Variants in ZNF69 observed in about 807,000 individuals in gnomAD.
ZNF69 encodes the protein zinc finger protein 69, also known as ZNF3.
ZNF69 carries 47 observed loss-of-function variants against 50.9 expected under a neutral mutation model. That is an observed-to-expected ratio of 0.92 (90% CI 0.73 to 1.18). The LOEUF is 1.18. Among genes scored for constraint, ZNF69 ranks in the 50% most tolerant of loss-of-function variants. ZNF69 has a pLI of 0.00. For missense variants in ZNF69, 717 were observed against 675.1 expected (o/e 1.06, Z -0.69); for synonymous variants, 216 against 223.1 (o/e 0.97, Z 0.29).
At chr19:11,961,928 C>T in the ZNF69 span, among the ~76,000 whole-genome samples, 1 of 121,698 alleles carries the variant, frequency 8.2e-6, no homozygotes, top group Non-Finnish European at 1.7e-5. Flanking sequence ...CTTTTACACA[C>T]ACACACACAC....
chr19:11,955,110 T>C, the ZNF69 span, among the ~76,000 whole-genome samples: 5 of 150,814 alleles, frequency 3.3e-5, no homozygotes, highest in African/African-American at 1.2e-4. Flanking sequence ...GTTCAAGTGA[T>C]TCTCCTGCCT....
rs188162364 is a variant in ZNF69, at chr19:11,895,708, T to C, written c.63+7722T>C. On this transcript the variant is annotated intron_variant, in intron 1 of 3. Transcript: ENST00000429654. Reference sequence around the variant, plus strand: ...TTTTTTCCGTTATGAGAAAGTTAAATCCATAAAGAAAATGCATGCTAAGGT... The same window carrying C: ...TTTTTTCCGTTATGAGAAAGTTAAACCCATAAAGAAAATGCATGCTAAGGT... Among the ~76,000 whole-genome samples, 4 of 152,250 alleles carry C rather than the reference T, an allele frequency of 2.6e-5. No homozygotes were observed. The East Asian group carries it at 7.7e-4, about 29-fold the overall frequency.
the ZNF69 span, among the ~76,000 whole-genome samples, chr19:11,967,133 G>A: frequency 3.9e-5 from 6 of 152,122 alleles, no homozygotes; most frequent in African/African-American, 9.7e-5. Context: ...TCAAGAGTTC[G>A]AGACCACCCT....
chr19:11,969,165 C>T, the ZNF69 span, among the ~76,000 whole-genome samples: 4 of 152,296 alleles, frequency 2.6e-5, no homozygotes, highest in South Asian at 2.1e-4. Context: ...AGTGCAGCGG[C>T]GTGATCTCAG....
chr19:11,958,447 G>A, the ZNF69 span, among the ~76,000 whole-genome samples: 1 of 152,152 alleles, frequency 6.6e-6, no homozygotes, highest in African/African-American at 2.4e-5. Context: ...TAGTGCTGGA[G>A]AATTCGCTGG....
At chr19:11,977,316 AT>A in the ZNF69 span, 29 of 1,605,972 alleles carry the variant, frequency 1.8e-5, no homozygotes, top group African/African-American at 3.9e-4. Flanking sequence ...GAATCTAATA[AT>A]TTTTTCACAG....
At chr19:11,888,936 A>G (rs907705720) in intron 1 of ZNF69, among the ~76,000 whole-genome samples, 1 of 131,366 alleles carries the variant, frequency 7.6e-6, no homozygotes, top group Non-Finnish European at 1.6e-5. Flanking sequence ...GTGCCACTGC[A>G]CTCCAGCCTC....
chr19:11,919,200 T>A (rs1376227904), downstream of ZNF69, among the ~76,000 whole-genome samples: 1 of 151,918 alleles, frequency 6.6e-6, no homozygotes, highest in Non-Finnish European at 1.5e-5. Context: ...TGGCCCCTTG[T>A]TTTTCTTTTT....
the ZNF69 span, chr19:11,978,480 G>A: frequency 1.9e-6 from 3 of 1,614,192 alleles, no homozygotes; most frequent in South Asian, 1.1e-5. Flanking sequence ...TTCCCATTCA[G>A]GCATTCGAAG....
chr19:11,901,209 T>C (rs1423336109), intron 1 of ZNF69, among the ~76,000 whole-genome samples: 1 of 152,170 alleles, frequency 6.6e-6, no homozygotes. Context: ...TTATAGTAGA[T>C]GTTTCTATGT....
the ZNF69 span, among the ~76,000 whole-genome samples, chr19:11,932,545 CCTTA>C: frequency 2.7e-5 from 4 of 147,844 alleles, no homozygotes; most frequent in African/African-American, 1.1e-4. Flanking sequence ...ACGATAACTG[CCTTA>C]CTTTTCTTTA....
downstream of ZNF69, among the ~76,000 whole-genome samples, chr19:11,907,865 G>T (rs1303934811): frequency 6.6e-6 from 1 of 152,134 alleles, no homozygotes; most frequent in African/African-American, 2.4e-5. Flanking sequence ...CCAATTAAAA[G>T]ACACAGACTG....
chr19:11,889,360 G>A (rs560507628), intron 1 of ZNF69, among the ~76,000 whole-genome samples: 174 of 152,294 alleles, frequency 1.1e-3, no homozygotes, highest in East Asian at 2.5e-3. Context: ...GTATAAGGAG[G>A]CCTGTCTCAC....
the ZNF69 span, among the ~76,000 whole-genome samples, chr19:11,962,607 C>T: frequency 1.3e-5 from 2 of 152,100 alleles, no homozygotes; most frequent in South Asian, 2.1e-4. Flanking sequence ...GTGACCCCCC[C>T]CCACCTCAGC....
Position 11,906,073 on chromosome 19 carries a change from A to T in ZNF69, c.1676A>T (p.Asp559Val). ...ATGCATGGTAGGACTCACCCTGAAG[A>T]TAAACCCTATGAGTGTAAGCAATGA... ...LRMHGRTHPEDKPYECKQ is the reference protein window; with the variant it reads ...LRMHGRTHPEVKPYECKQ The change falls in exon 4 of 4, where the codon GAT becomes GTT. Residue 559 changes from aspartate to valine, a missense_variant. By Grantham distance (152) the Asp-to-Val change is radical (BLOSUM62 -3). Coordinates refer to ENST00000429654, the MANE Select transcript of ZNF69 (RefSeq NM_001364730.1). 1 of 1,612,932 alleles carries T rather than the reference A, an allele frequency of 6.2e-7. No homozygotes were observed. Among genetic ancestry groups the T allele is most frequent in the Non-Finnish European group, 8.5e-7 (1 of 1,179,530 alleles).
chr19:11,950,168 ATTT>A, the ZNF69 span: 1 of 1,613,858 alleles, frequency 6.2e-7, no homozygotes, highest in Non-Finnish European at 8.5e-7. Context: ...GCATTCAATT[ATTT>A]TTCTTCCTTG....
the ZNF69 span, among the ~76,000 whole-genome samples, chr19:11,934,573 C>A: frequency 6.8e-6 from 1 of 147,600 alleles, no homozygotes; most frequent in Non-Finnish European, 1.5e-5. Flanking sequence ...GTTTCCCTGG[C>A]TGGAGTGCAA....
At position 11,904,723 on chromosome 19, in the gene ZNF69, A is replaced by G; in HGVS notation, c.326A>G (p.Asp109Gly). The G allele has an allele frequency of 6.2e-7, 1 of 1,614,018 alleles. No homozygotes were observed. The highest frequency in any genetic ancestry group is 8.5e-7 in the Non-Finnish European group (1 of 1,179,870). Residue 109 changes from aspartate to glycine, a missense_variant, in exon 4 of 4, where the codon GAT (aspartate) becomes GGT (glycine). Transcript: ENST00000429654. ...GGAGAAACTTTTACCCAGGTTCCAGATGACAGGCTGAACTTCCAGGAGAAG... is the reference window on the plus strand; with the variant it reads ...GGAGAAACTTTTACCCAGGTTCCAGGTGACAGGCTGAACTTCCAGGAGAAG... ...HCGETFTQVP[D>G]DRLNFQEKKA...
chr19:11,941,900 G>A, the ZNF69 span, among the ~76,000 whole-genome samples: 57 of 152,320 alleles, frequency 3.7e-4, no homozygotes, highest in African/African-American at 1.1e-3. Flanking sequence ...CCATTCAGCC[G>A]TCAGTGGATA....
Sources: gnomAD v4.1 joint callset for allele counts (sites outside exome capture counted in the v4.1 genomes callset) on GRCh38, gnomAD v4.1.1 for gene constraint, MANE v1.5 for transcripts, NCBI Gene and HGNC (gene_info 2026-07-23, HGNC 2026-07-21) for gene names.